Variants in INTS6 observed in about 807,000 individuals in gnomAD.
The protein encoded by INTS6 is DEAD box protein.
In INTS6, 16 loss-of-function variants were observed where a neutral mutation model predicts 104.9. The ratio of observed to expected loss-of-function variants is 0.15; its 90% confidence interval spans 0.10 to 0.23. The LOEUF (loss-of-function observed/expected upper bound fraction) is 0.23, where lower values mean the gene tolerates loss of function less well. Ranked by LOEUF, INTS6 falls within the 10% of genes least tolerant of loss-of-function variation. The pLI, the probability that INTS6 is intolerant of heterozygous loss-of-function variation, is 1.00. For synonymous variants in INTS6, 324 were observed against 358.7 expected (o/e 0.90, Z 1.09); for missense variants, 584 against 1,062.8 (o/e 0.55, Z 6.26).
chr13:51,378,165 G>T, intron 12 of INTS6, 74 bp downstream of exon 12: 3 of 1,098,778 alleles, frequency 2.7e-6, no homozygotes, highest in Non-Finnish European at 4.2e-6. Flanking sequence ...GAATGTCAGA[G>T]TTAACAGAAA....
chr13:51,346,983 A>G, the INTS6 span: 1 of 1,445,454 alleles, frequency 6.9e-7, no homozygotes, highest in Non-Finnish European at 9.5e-7. Flanking sequence ...TTCAGTTTCA[A>G]TGCACATTTA....
rs185728845 is a variant in INTS6 at position 51,367,857 on chromosome 13, T to C, written c.2518A>G (p.Ser840Gly). ...AAAAATATTAGTCTTGTTTGTAAACTGCCTTGCACATGCTTCAGTAAAGTG... is the reference window on the plus strand; with the variant it reads ...AAAAATATTAGTCTTGTTTGTAAACCGCCTTGCACATGCTTCAGTAAAGTG... ...IFTLLKHVQGSLQTRLIFLQN... is the reference protein window; with the variant it reads ...IFTLLKHVQGGLQTRLIFLQN... Residue 840 changes from serine (S) to glycine (G), a missense_variant, in exon 17 of 18, where the codon AGT becomes GGT. This residue lies in a region of INTS6 where 296 missense variants were observed against 437.0 expected (regional missense o/e 0.68). Coordinates refer to ENST00000311234, the MANE Select transcript of INTS6 (RefSeq NM_012141.3). 1 of 1,595,926 alleles carries C rather than the reference T, an allele frequency of 6.3e-7. No individual in the cohort carries two copies. The highest frequency in any genetic ancestry group is 1.8e-5 in the Admixed American group (1 of 56,176).
chr13:51,341,807 A>T, the INTS6 span, among the ~76,000 whole-genome samples: 2 of 152,176 alleles, frequency 1.3e-5, no homozygotes, highest in East Asian at 3.8e-4. Context: ...AGAGATGAGC[A>T]AATAGGCATG....
rs116928259 is a variant in INTS6, at chr13:51,413,628, A to G, written c.429+16666T>C. Among the ~76,000 whole-genome samples, 418 of 152,312 alleles carry G rather than the reference A, an allele frequency of 2.7e-3. 6 individuals are homozygous for G. The East Asian group carries it at 0.065, about 24-fold the overall frequency. On this transcript the variant is annotated intron_variant, in intron 4 of 17. Coordinates refer to ENST00000311234, the MANE Select transcript of INTS6 (RefSeq NM_012141.3). ...TTTAACATTTTAAATATCTACCTTA[A>G]AAGTGAAATGCAAATAGTAGTATGG...
chr13:51,366,177 T>C (rs934913460), intron 17 of INTS6, among the ~76,000 whole-genome samples: 1 of 151,982 alleles, frequency 6.6e-6, no homozygotes, highest in Non-Finnish European at 1.5e-5. Context: ...AACACTCTAG[T>C]GAAATTTGGG....
chr13:51,421,767 G>A (rs1465691900), intron 4 of INTS6, among the ~76,000 whole-genome samples: 1 of 151,964 alleles, frequency 6.6e-6, no homozygotes, highest in African/African-American at 2.4e-5. Flanking sequence ...CACCCAAATA[G>A]GCTAAGTTTA....
In INTS6 at chr13:51,377,005, C is replaced by T. The variant is rs1955945551; in HGVS notation, c.1603-831G>A. Among the ~76,000 whole-genome samples the T allele has an allele frequency of 2.6e-5, 4 of 152,140 alleles. No individual in the cohort carries two copies. The South Asian group carries it at 8.3e-4, about 31-fold the overall frequency. On this transcript the variant is annotated intron_variant, in intron 12 of 17. Coordinates refer to ENST00000311234, the MANE Select transcript of INTS6 (RefSeq NM_012141.3). ...TAAGAAAATATCAACTATTTTCTAT[C>T]AGTAATGTTAGGAGGGTTGCTCCAC...
chr13:51,404,526 G>T (rs1956521296), intron 4 of INTS6, among the ~76,000 whole-genome samples: 1 of 152,080 alleles, frequency 6.6e-6, no homozygotes, highest in Non-Finnish European at 1.5e-5. Context: ...TGAACAAGGT[G>T]TGGAAAAACA....
At chr13:51,442,718 A>C (rs1952821047) in intron 3 of INTS6, 2 of 152,244 alleles carry the variant, frequency 1.3e-5, no homozygotes, top group South Asian at 4.1e-4. Context: ...TGTGCATGCA[A>C]GGGGTCTAGG....
chr13:51,451,832 A>C, intron 2 of INTS6, 146 bp downstream of exon 2: 2 of 409,688 alleles, frequency 4.9e-6, no homozygotes, highest in East Asian at 8.7e-5. Context: ...AGGGGGTGGG[A>C]GCCCGCAGGG....
downstream of INTS6, chr13:51,361,400 C>A: frequency 7.8e-7 from 1 of 1,277,902 alleles, no homozygotes; most frequent in East Asian, 2.3e-5. Flanking sequence ...ACTGCTTACC[C>A]ATATCTACCT....
intron 7 of INTS6, among the ~76,000 whole-genome samples, chr13:51,386,107 CCTTGTTCTTT>C (rs1566216025): frequency 1.4e-4 from 21 of 152,214 alleles, no homozygotes; most frequent in African/African-American, 4.8e-4. Context: ...TCTAAACATA[CCTTGTTCTTT>C]TTCACTTCCA....
intron 4 of INTS6, among the ~76,000 whole-genome samples, chr13:51,406,136 C>T (rs1197310624): frequency 6.6e-6 from 1 of 152,186 alleles, no homozygotes; most frequent in Non-Finnish European, 1.5e-5. Flanking sequence ...GTAAGTGCTG[C>T]AGATCCGCAA....
intron 4 of INTS6, among the ~76,000 whole-genome samples, chr13:51,420,535 G>C (rs1405461436): frequency 2.0e-5 from 3 of 151,978 alleles, no homozygotes; most frequent in Non-Finnish European, 4.4e-5. Flanking sequence ...AAATGTCATT[G>C]AAATGATGCA....
At chr13:51,389,171 T>C in intron 6 of INTS6, 148 bp downstream of exon 6, 1 of 697,394 alleles carries the variant, frequency 1.4e-6, no homozygotes. Flanking sequence ...TTGACTTTCC[T>C]ATTTAATCTT....
intron 13 of INTS6, among the ~76,000 whole-genome samples, chr13:51,375,469 AG>A (rs1686213161): frequency 9.3e-6 from 1 of 107,358 alleles, no homozygotes; most frequent in South Asian, 3.3e-4. Context: ...ATGGAAGTAC[AG>A]TATGGTAAAA....
At chr13:51,405,502 T>C (rs969136287) in intron 4 of INTS6, among the ~76,000 whole-genome samples, 8 of 152,174 alleles carry the variant, frequency 5.3e-5, no homozygotes, top group Non-Finnish European at 1.2e-4. Context: ...ATTCTTGGAT[T>C]TCCCTACTGT....
intron 12 of INTS6, 148 bp from the exon 13 acceptor site, chr13:51,376,322 T>C (rs1248911995): frequency 1.5e-5 from 9 of 587,254 alleles, no homozygotes; most frequent in Non-Finnish European, 2.4e-5. Context: ...GATATAATCT[T>C]AATGTACCGG....
rs988279331 is a variant in INTS6 at position 51,452,908 on chromosome 13, C to T, written c.-383G>A. The T allele has an allele frequency of 5.5e-6, 6 of 1,086,178 alleles. No individual in the cohort carries two copies. The highest frequency in any genetic ancestry group is 1.7e-5 in the African/African-American group (1 of 58,152). The allele number at this position is 1,086,178 out of a possible 1,614,324, so 67.3% of individuals were successfully genotyped here. A position where few individuals can be genotyped will look rare whatever the true frequency, so the allele number is the denominator to read the frequency against. On this transcript the variant is annotated 5_prime_UTR_variant, in exon 1 of 18. Coordinates refer to ENST00000311234, the MANE Select transcript of INTS6 (RefSeq NM_012141.3). The surrounding 1 kb of genome is among the most constrained non-coding windows in gnomAD (Gnocchi z 4.2). Reference sequence around the variant, plus strand: ...CCCACCCCCGGTACAGGAGTGGGGACCTGGGAGCTGGCGAAGAGGGGAGTG... The same window carrying T: ...CCCACCCCCGGTACAGGAGTGGGGATCTGGGAGCTGGCGAAGAGGGGAGTG...
Sources: allele counts gnomAD v4.1 joint callset (sites outside exome capture counted in the v4.1 genomes callset), GRCh38; gene constraint gnomAD v4.1.1; regional missense constraint gnomAD v4.1.1; non-coding constraint Gnocchi (gnomAD v3.1); transcripts MANE v1.5; gene names NCBI Gene and HGNC (gene_info 2026-07-23, HGNC 2026-07-21).